Variants in IFT56 observed in about 807,000 individuals in gnomAD.
The protein encoded by IFT56 is intraflagellar transport 56.
At chr7:139,184,959 C>G in the IFT56 span, among the ~76,000 whole-genome samples, 3 of 151,120 alleles carry the variant, frequency 2.0e-5, no homozygotes, top group Non-Finnish European at 4.4e-5. Flanking sequence ...GAGGCTGAGG[C>G]AGGAGAATGG....
chr7:139,163,279 TTGCAGTGAGCGAAGA>T, the IFT56 span, among the ~76,000 whole-genome samples: 1 of 150,282 alleles, frequency 6.7e-6, no homozygotes, highest in Non-Finnish European at 1.5e-5. Flanking sequence ...GAGGCGAAGC[TTGCAGTGAGCGAAGA>T]TCGCGCCACT....
At chr7:139,181,592 A>G in the IFT56 span, among the ~76,000 whole-genome samples, 1 of 152,344 alleles carries the variant, frequency 6.6e-6, no homozygotes, top group South Asian at 2.1e-4. Context: ...TAATGGGGAT[A>G]AGTTCTGAGA....
chr7:139,161,121 T>A, the IFT56 span: 1 of 1,085,634 alleles, frequency 9.2e-7, no homozygotes. Context: ...CGCCAGCAAG[T>A]AATGCTTTAC....
the IFT56 span, among the ~76,000 whole-genome samples, chr7:139,139,327 T>C: frequency 1.3e-5 from 2 of 152,112 alleles, no homozygotes; most frequent in Non-Finnish European, 2.9e-5. Flanking sequence ...ACAACCCACT[T>C]GTAGTAAGAA....
the IFT56 span, among the ~76,000 whole-genome samples, chr7:139,176,798 G>A: frequency 6.6e-6 from 1 of 151,984 alleles, no homozygotes; most frequent in Non-Finnish European, 1.5e-5. Flanking sequence ...AAAATTTATT[G>A]AGCTGTTGAG....
At chr7:139,164,470 G>C in the IFT56 span, among the ~76,000 whole-genome samples, 11 of 152,090 alleles carry the variant, frequency 7.2e-5, no homozygotes, top group East Asian at 1.9e-3. Flanking sequence ...ACACAATAAG[G>C]GTTATGCTTT....
the IFT56 span, chr7:139,139,996 G>T: frequency 1.2e-6 from 2 of 1,605,224 alleles, no homozygotes; most frequent in African/African-American, 2.7e-5. Context: ...GAAGCAGCTG[G>T]ATTTAAAGGT....
chr7:139,187,876 T>A, the IFT56 span, among the ~76,000 whole-genome samples: 181 of 152,074 alleles, frequency 1.2e-3, 1 homozygote, highest in Middle Eastern at 6.8e-3. Flanking sequence ...TTTTTTTTTT[T>A]ACTCTTCTAC....
chr7:139,152,555 C>A, the IFT56 span, among the ~76,000 whole-genome samples: 1 of 152,024 alleles, frequency 6.6e-6, no homozygotes, highest in Non-Finnish European at 1.5e-5. Context: ...AAAGACAAAA[C>A]CCTAATATAT....
the IFT56 span, chr7:139,191,526 A>G: frequency 2.6e-5 from 4 of 152,232 alleles, no homozygotes; most frequent in Non-Finnish European, 5.9e-5. Flanking sequence ...CTTACTTTCA[A>G]ATGAGCTTGT....
chr7:139,134,309 T>C, the IFT56 span, among the ~76,000 whole-genome samples: 1 of 151,598 alleles, frequency 6.6e-6, no homozygotes, highest in African/African-American at 2.4e-5. Context: ...GCTCGCTTTG[T>C]CGCCCAGGTT....
chr7:139,142,040 A>G, the IFT56 span, among the ~76,000 whole-genome samples: 1 of 152,232 alleles, frequency 6.6e-6, no homozygotes, highest in Non-Finnish European at 1.5e-5. Flanking sequence ...CAAGCAGTGG[A>G]GAAGAACAGA....
chr7:139,143,979 A>T, the IFT56 span, among the ~76,000 whole-genome samples: 348 of 152,238 alleles, frequency 2.3e-3, no homozygotes, highest in Non-Finnish European at 3.8e-3. Context: ...TCTCCATCTT[A>T]TGTGCAAATT....
At chr7:139,175,256 G>A in the IFT56 span, among the ~76,000 whole-genome samples, 1 of 152,000 alleles carries the variant, frequency 6.6e-6, no homozygotes, top group Non-Finnish European at 1.5e-5. Flanking sequence ...ATGTATGTGT[G>A]CTAATTTATG....
chr7:139,181,021 TAAG>T, the IFT56 span: 1 of 931,320 alleles, frequency 1.1e-6, no homozygotes, highest in African/African-American at 1.7e-5. Context: ...CATAGAATAA[TAAG>T]GTGCAGAAAT....
chr7:139,165,686 C>T, the IFT56 span, among the ~76,000 whole-genome samples: 1 of 152,106 alleles, frequency 6.6e-6, no homozygotes, highest in East Asian at 1.9e-4. Context: ...TACTATGATT[C>T]AAAGAGGATG....
the IFT56 span, among the ~76,000 whole-genome samples, chr7:139,187,852 T>A: frequency 2.6e-5 from 4 of 152,046 alleles, no homozygotes; most frequent in Non-Finnish European, 5.9e-5. Context: ...CAGCCATTTT[T>A]ATAGGCAAAG....
the IFT56 span, chr7:139,148,325 T>C: frequency 1.2e-6 from 2 of 1,613,882 alleles, no homozygotes; most frequent in African/African-American, 2.7e-5. Flanking sequence ...ACCATCGCAC[T>C]CAATCTTAAA....
At chr7:139,145,476 G>A in the IFT56 span, among the ~76,000 whole-genome samples, 2 of 152,018 alleles carry the variant, frequency 1.3e-5, no homozygotes, top group South Asian at 2.1e-4. Context: ...CCAGGCTGGA[G>A]TGCAATGGCG....
Sources: gnomAD v4.1 joint callset for allele counts (sites outside exome capture counted in the v4.1 genomes callset) on GRCh38, gnomAD v4.1.1 for gene constraint, MANE v1.5 for transcripts, NCBI Gene and HGNC (gene_info 2026-07-23, HGNC 2026-07-21) for gene names.